The following ARHGEF11 variants were observed in gnomAD, a reference collection of about 807,000 sequenced individuals.
ARHGEF11 encodes the protein Rho guanine exchange factor (GEF) 11.
In ARHGEF11, 55 loss-of-function variants were observed where a neutral mutation model predicts 193.7. The ratio of observed to expected loss-of-function variants is 0.28; its 90% CI spans 0.23 to 0.36. The LOEUF (loss-of-function observed/expected upper bound fraction) is 0.36, where lower values mean the gene tolerates loss of function less well. Among genes scored for constraint, ARHGEF11 ranks in the 10% least tolerant of loss-of-function variants. The pLI, the probability that ARHGEF11 is intolerant of heterozygous loss-of-function variation, is 1.00. For synonymous variants in ARHGEF11, 693 were observed against 768.0 expected (o/e 0.90, Z 1.62); for missense variants, 1,723 against 2,005.6 (o/e 0.86, Z 2.69).
At chr1:156,955,996 C>T (rs1453499674) in intron 19 of ARHGEF11, among the ~76,000 whole-genome samples, 197 bp from the exon 20 acceptor site, 1 of 152,236 alleles carries the variant, frequency 6.6e-6, no homozygotes, top group Non-Finnish European at 1.5e-5. Flanking sequence ...TCTGGGGGTC[C>T]TCACTGACTC....
At chr1:157,020,865 T>C (rs560559003) in intron 1 of ARHGEF11, among the ~76,000 whole-genome samples, 2 of 152,336 alleles carry the variant, frequency 1.3e-5, no homozygotes, top group African/African-American at 4.8e-5. Context: ...CTGCATTAAA[T>C]GTAGGCATTG....
chr1:156,940,718 A>C (rs1557821704), intron 35 of ARHGEF11, among the ~76,000 whole-genome samples: 1 of 152,218 alleles, frequency 6.6e-6, no homozygotes, highest in Non-Finnish European at 1.5e-5. Context: ...CGGAAAGAAG[A>C]AAACAACAAC....
At chr1:156,983,913 G>A (rs1664556801) in intron 3 of ARHGEF11, among the ~76,000 whole-genome samples, 1 of 152,196 alleles carries the variant, frequency 6.6e-6, no homozygotes, top group Non-Finnish European at 1.5e-5. Flanking sequence ...AATGTGCTCT[G>A]TAATCATTTG....
chr1:156,973,648 T>C (rs1248968584), intron 7 of ARHGEF11, among the ~76,000 whole-genome samples: 2 of 152,224 alleles, frequency 1.3e-5, no homozygotes, highest in African/African-American at 4.8e-5. Flanking sequence ...AAGCTGACCT[T>C]CATTTCCTTC....
intron 1 of ARHGEF11, among the ~76,000 whole-genome samples, chr1:157,007,813 A>G (rs2102747124): frequency 1.3e-5 from 2 of 152,120 alleles, no homozygotes; most frequent in Middle Eastern, 6.8e-3. Flanking sequence ...CTCTGTAACC[A>G]TATTATCTAA....
rs751553467 is a variant in ARHGEF11 at position 156,968,017 on chromosome 1, C to CGAG, written c.930_932dup (p.Ser311dup). The CGAG allele has an allele frequency of 6.2e-7, 1 of 1,614,222 alleles. No homozygotes were observed. The stretch of plus-strand genomic sequence containing the variant: ...CACCGGTTGAGGGGACTGCTGCATC[C>CGAG]GAGCCCTGCCGCCTGTGGTGCTGGG... On this transcript the variant is annotated inframe_insertion, in exon 11 of 41. Transcript: ENST00000368194.
intron 2 of ARHGEF11, among the ~76,000 whole-genome samples, 179 bp from the exon 3 acceptor site, chr1:156,984,616 G>A (rs1325657471): frequency 6.6e-6 from 1 of 152,168 alleles, no homozygotes; most frequent in Non-Finnish European, 1.5e-5. Context: ...TCCCTTGGTG[G>A]TTGGCAAAAC....
intron 2 of ARHGEF11, 109 bp downstream of exon 2, chr1:156,985,973 G>C (rs1361873105): frequency 2.3e-6 from 2 of 861,962 alleles, no homozygotes; most frequent in Non-Finnish European, 3.8e-6. Context: ...CTACAGACCA[G>C]AGCTCTTCGG....
chr1:157,031,697 T>A (rs1440450369), intron 1 of ARHGEF11, among the ~76,000 whole-genome samples: 2 of 152,116 alleles, frequency 1.3e-5, no homozygotes, highest in African/African-American at 4.8e-5. Context: ...TGAACCCAAT[T>A]TCAAGGGGAG....
At chr1:156,980,724 C>T (rs1664011778) in intron 3 of ARHGEF11, among the ~76,000 whole-genome samples, 1 of 150,524 alleles carries the variant, frequency 6.6e-6, no homozygotes. Context: ...TGCCAGACTT[C>T]TGATAGCCAG....
In ARHGEF11 at chr1:156,948,111, G is replaced by T; in HGVS notation, c.2153+70C>A. On this transcript the variant is annotated intron_variant, in intron 24 of 40. Transcript: ENST00000368194. The surrounding 1 kb of genome is among the most constrained non-coding windows in gnomAD (Gnocchi z 4.2). Reference sequence around the variant, plus strand: ...GCCACCCAACCAGCCCCTTGCAGGTGAGAGGAGCAGCTGGGTGTGGATGGG... The same window carrying T: ...GCCACCCAACCAGCCCCTTGCAGGTTAGAGGAGCAGCTGGGTGTGGATGGG... 1.3e-6 allele frequency: 2 copies of T among 1,537,724 alleles called. No homozygotes were observed. The highest frequency in any genetic ancestry group is 1.9e-5 in the Admixed American group (1 of 52,418).
In ARHGEF11 at chr1:156,959,030, C is replaced by T; in HGVS notation, c.1379+16G>A. ...GTGAACGAGGAGAGAGGTGGGAGGT[C>T]AGCTCCTGGGCCAACCTGTAGTCGT... is the stretch of plus-strand genomic sequence containing the variant. On this transcript the variant is annotated intron_variant, in intron 16 of 40. Coordinates refer to ENST00000368194, the MANE Select transcript of ARHGEF11 (RefSeq NM_198236.3). The T allele has an allele frequency of 6.2e-7, 1 of 1,613,942 alleles. No homozygotes were observed. The highest frequency in any genetic ancestry group is 8.5e-7 in the Non-Finnish European group (1 of 1,179,796).
rs900515582 is a variant in ARHGEF11 at position 157,043,814 on chromosome 1, T to C, written c.32+485A>G. Reference sequence around the variant, plus strand: ...ATCATTCAGGCCAAGAACATCCTCTTCATTTCTAGAAATGGGATCCACCCC... The same window carrying C: ...ATCATTCAGGCCAAGAACATCCTCTCCATTTCTAGAAATGGGATCCACCCC... On this transcript the variant is annotated intron_variant, in intron 1 of 40. Transcript: ENST00000368194. 3.9e-5 allele frequency among the ~76,000 whole-genome samples: 6 copies of C among 152,310 alleles called. No homozygotes were observed. In the East Asian group the frequency reaches 1.2e-3, roughly 29 times the overall value.
chr1:156,951,550 G>C, intron 22 of ARHGEF11, 23 bp downstream of exon 22: 3 of 1,612,976 alleles, frequency 1.9e-6, no homozygotes, highest in Non-Finnish European at 2.5e-6. Context: ...AGCAGCTGGC[G>C]AGTCCCATCC....
At position 156,936,889 on chromosome 1, in the gene ARHGEF11, G is replaced by A. The variant is rs754128421; in HGVS notation, c.4557C>T (p.Leu1519=). Residue 1519 remains leucine, a synonymous_variant, in exon 40 of 41, where the codon CTC becomes CTT. Transcript: ENST00000368194. ...CTAGGGGCTCCTTAGCGGGAGGTGA[G>A]AGGGAGCCATCTGTCCATCTAGCTG... ...TEAARWTDGS[L]SPPAKEPLAS... 1.9e-6 allele frequency: 3 copies of A among 1,614,170 alleles called. No homozygotes were observed. The highest frequency in any genetic ancestry group is 2.5e-6 in the Non-Finnish European group (3 of 1,180,030).
chr1:157,017,492 G>A (rs144936078), intron 1 of ARHGEF11, among the ~76,000 whole-genome samples: 1,966 of 152,124 alleles, frequency 0.013, 39 homozygotes, highest in African/African-American at 0.045. Flanking sequence ...TGGATCACGA[G>A]GTCAGGAGAT....
At chr1:156,976,689 C>A (rs755086497) in intron 7 of ARHGEF11, among the ~76,000 whole-genome samples, 8 of 152,232 alleles carry the variant, frequency 5.3e-5, no homozygotes, top group Non-Finnish European at 1.2e-4. Context: ...TCCCTCTTTT[C>A]CTTCCCTTCC....
chr1:156,991,256 T>A (rs773092613), intron 1 of ARHGEF11, among the ~76,000 whole-genome samples: 9 of 152,242 alleles, frequency 5.9e-5, no homozygotes, highest in Non-Finnish European at 1.0e-4. Context: ...GTCCTCAGAC[T>A]GTATCCCAGT....
In ARHGEF11 at chr1:156,941,430, T is replaced by C. The variant is rs1236900045; in HGVS notation, c.3456A>G (p.Val1152=). The C allele has an allele frequency of 6.2e-7, 1 of 1,613,550 alleles. No homozygotes were observed. Among genetic ancestry groups the C allele is most frequent in the South Asian group, 1.1e-5 (1 of 91,040 alleles). The change falls in exon 35 of 41, where the codon GTA becomes GTG. Residue 1152 remains valine, a synonymous_variant. Coordinates refer to ENST00000368194, the MANE Select transcript of ARHGEF11 (RefSeq NM_198236.3). Reference sequence around the variant, plus strand: ...GGAACACGTCTGAGTCATCCAGTTCTACCCTGAGGAAGGAAACCAACACAG... The same window carrying C: ...GGAACACGTCTGAGTCATCCAGTTCCACCCTGAGGAAGGAAACCAACACAG... ...PAQQGPTPSR[V]ELDDSDVFHG...
Sources: gnomAD v4.1 joint callset for allele counts (sites outside exome capture counted in the v4.1 genomes callset) on GRCh38, gnomAD v4.1.1 for gene constraint, Gnocchi (gnomAD v3.1) non-coding constraint, MANE v1.5 for transcripts, NCBI Gene and HGNC (gene_info 2026-07-23, HGNC 2026-07-21) for gene names.